CTIF: variants seen among roughly 807,000 people sequenced by gnomAD.
CTIF encodes CBP80/20-dependent translation initiation factor.
CTIF carries 21 observed loss-of-function variants against 66.0 expected under a neutral mutation model. The observed-to-expected ratio is 0.32, with a 90% CI of 0.23 to 0.46. The LOEUF is 0.46. Ranked by LOEUF, CTIF falls within the 20% of genes least tolerant of loss-of-function variation. The pLI is 1.00. For missense variants in CTIF, 739 were observed against 812.7 expected (o/e 0.91, Z 1.10); for synonymous variants, 345 against 326.4 (o/e 1.06, Z -0.62).
At chr18:48,656,556 G>A (rs1299641104) in intron 3 of CTIF, among the ~76,000 whole-genome samples, 2 of 152,176 alleles carry the variant, frequency 1.3e-5, no homozygotes, top group Non-Finnish European at 2.9e-5. Flanking sequence ...CCTTCCCAGA[G>A]ACAACTTCAG....
intron 7 of CTIF, among the ~76,000 whole-genome samples, chr18:48,730,870 C>T (rs1391950672): frequency 1.3e-5 from 2 of 151,384 alleles, no homozygotes; most frequent in African/African-American, 4.9e-5. Flanking sequence ...GGGCCTCCCG[C>T]AGTGTGAGGG....
At chr18:48,608,757 A>G (rs985404354) in intron 1 of CTIF, among the ~76,000 whole-genome samples, 25 of 152,132 alleles carry the variant, frequency 1.6e-4, no homozygotes, top group African/African-American at 5.3e-4. Context: ...GGACACTCCC[A>G]CCAGGCTCTG....
intron 1 of CTIF, among the ~76,000 whole-genome samples, chr18:48,583,477 C>T (rs965113601): frequency 1.4e-4 from 22 of 152,212 alleles, no homozygotes; most frequent in African/African-American, 3.9e-4. Flanking sequence ...GGAAAGGAGT[C>T]GGACTATTTT....
chr18:48,810,410 G>T (rs941710210), intron 9 of CTIF, among the ~76,000 whole-genome samples: 7 of 151,944 alleles, frequency 4.6e-5, no homozygotes, highest in Admixed American at 2.6e-4. Flanking sequence ...TCTAATACAG[G>T]TATTGTATAT....
intron 2 of CTIF, among the ~76,000 whole-genome samples, chr18:48,627,610 TG>T (rs1231109268): frequency 1.3e-5 from 2 of 151,900 alleles, no homozygotes; most frequent in Non-Finnish European, 2.9e-5. Flanking sequence ...TCCCAGCTAC[TG>T]GGGAGGCTGA....
intron 5 of CTIF, among the ~76,000 whole-genome samples, chr18:48,664,873 A>G (rs1055531838): frequency 3.3e-5 from 5 of 149,496 alleles, no homozygotes; most frequent in African/African-American, 1.2e-4. Flanking sequence ...AGAGTCTGTG[A>G]TTCCGTAGGT....
At chr18:48,829,080 G>A (rs1165941073) in intron 10 of CTIF, among the ~76,000 whole-genome samples, 1 of 152,254 alleles carries the variant, frequency 6.6e-6, no homozygotes, top group Non-Finnish European at 1.5e-5. Context: ...TTGGAGGAGG[G>A]AGGGGGTGCA....
chr18:48,694,746 A>G (rs879499236), intron 6 of CTIF, among the ~76,000 whole-genome samples: 1 of 152,270 alleles, frequency 6.6e-6, no homozygotes, highest in Non-Finnish European at 1.5e-5. Flanking sequence ...ATTTCACTAT[A>G]GTCAGAGAGA....
chr18:48,608,422 C>T (rs1013419006), intron 1 of CTIF, among the ~76,000 whole-genome samples: 1 of 147,104 alleles, frequency 6.8e-6, no homozygotes, highest in Admixed American at 6.7e-5. Context: ...CCAGCACAGG[C>T]GGTAGCAATC....
intron 1 of CTIF, among the ~76,000 whole-genome samples, chr18:48,582,417 G>A (rs1387036468): frequency 2.6e-5 from 4 of 152,138 alleles, no homozygotes; most frequent in Non-Finnish European, 5.9e-5. Context: ...TAAAGGAGGT[G>A]CCTGGGAATG....
intron 6 of CTIF, among the ~76,000 whole-genome samples, chr18:48,695,779 AG>A (rs2091997619): frequency 6.6e-6 from 1 of 152,196 alleles, no homozygotes; most frequent in Admixed American, 6.5e-5. Flanking sequence ...TTCTATGGCG[AG>A]GAGACTTTCT....
chr18:48,604,843 G>A (rs1386265761), intron 1 of CTIF, among the ~76,000 whole-genome samples: 1 of 152,066 alleles, frequency 6.6e-6, no homozygotes, highest in African/African-American at 2.4e-5. Flanking sequence ...CTCTAGATGT[G>A]TCTATTCTGG....
At chr18:48,581,718 T>C (rs112617886) in intron 1 of CTIF, among the ~76,000 whole-genome samples, 268 of 152,270 alleles carry the variant, frequency 1.8e-3, no homozygotes, top group African/African-American at 6.1e-3. Context: ...AGAGCTAGCA[T>C]GAGTATCTGT....
chr18:48,761,660 T>G lies in CTIF; in HGVS notation c.1342T>G (p.Phe448Val). The G allele has an allele frequency of 6.2e-7, 1 of 1,611,924 alleles. No individual in the cohort carries two copies. Among genetic ancestry groups the G allele is most frequent in the Non-Finnish European group, 8.5e-7 (1 of 1,178,156 alleles). Residue 448 changes from phenylalanine (F) to valine (V), a missense_variant, in exon 9 of 12, where the codon TTC becomes GTC. By Grantham distance (50) the Phe-to-Val change is conservative. Transcript: ENST00000256413. This position sits in a 1 kb window ranked among gnomAD's most constrained non-coding sequence, Gnocchi z 4.2. The part of the protein sequence containing the change: ...MALFMVEGTK[F>V]RSLLLNMLQK... ...GCTCTTTATGGTGGAGGGGACCAAG[T>G]TCCGGAGCCTGCTCCTCAACATGCT...
chr18:48,741,279 CG>C (rs777234885), intron 7 of CTIF, among the ~76,000 whole-genome samples: 14,381 of 65,908 alleles, frequency 0.22, 1,261 homozygotes, highest in East Asian at 0.4. Flanking sequence ...ACTCTGCCCC[CG>C]CCCCCCCTCC....
intron 7 of CTIF, among the ~76,000 whole-genome samples, chr18:48,715,441 A>G (rs551278619): frequency 3.0e-4 from 45 of 152,330 alleles, no homozygotes; most frequent in African/African-American, 9.6e-4. Flanking sequence ...AAAGAGCAGC[A>G]TGCCTTCTGA....
intron 1 of CTIF, among the ~76,000 whole-genome samples, chr18:48,603,554 G>T (rs2090144087): frequency 6.7e-6 from 1 of 149,208 alleles, no homozygotes; most frequent in South Asian, 2.2e-4. Context: ...TGGATGGATG[G>T]ATGGATAAAT....
chr18:48,669,291 G>A (rs1598836619), intron 5 of CTIF, among the ~76,000 whole-genome samples: 1 of 152,100 alleles, frequency 6.6e-6, no homozygotes, highest in Non-Finnish European at 1.5e-5. Context: ...TATGAACTCT[G>A]CAGCTGGAAA....
chr18:48,579,502 G>GT (rs1432296851), intron 1 of CTIF, among the ~76,000 whole-genome samples: 2 of 152,152 alleles, frequency 1.3e-5, no homozygotes, highest in Non-Finnish European at 2.9e-5. Context: ...TGTTGAAAAT[G>GT]TTTTTTCCAT....
Sources: gnomAD v4.1 joint callset for allele counts (sites outside exome capture counted in the v4.1 genomes callset) on GRCh38, gnomAD v4.1.1 for gene constraint, Gnocchi (gnomAD v3.1) non-coding constraint, MANE v1.5 for transcripts, NCBI Gene and HGNC (gene_info 2026-07-23, HGNC 2026-07-21) for gene names.